NEK4: variants seen among roughly 807,000 people sequenced by gnomAD.
NEK4 encodes serine/threonine-protein kinase Nek4.
Under a neutral mutation model 98.4 loss-of-function variants are expected in NEK4, and 86 were observed. That is an observed-to-expected ratio of 0.87 (90% CI 0.73 to 1.05). The LOEUF is 1.05. NEK4 is among the 50% of genes least tolerant of loss of function. The pLI, the probability that NEK4 is intolerant of heterozygous loss-of-function variation, is 0.00. For synonymous variants in NEK4, 328 were observed against 342.2 expected, an observed-to-expected ratio of 0.96 and a Z score of 0.46; for missense variants, 898 against 950.3, an observed-to-expected ratio of 0.94 and a Z score of 0.72.
chr3:52,739,544 C>T lies in NEK4; in HGVS notation c.2184G>A (p.Pro728=), dbSNP rs757495089. 12 of 1,613,912 alleles carry T rather than the reference C, an allele frequency of 7.4e-6. No individual in the cohort carries two copies. In the South Asian group the frequency reaches 7.7e-5, roughly 10 times the overall value. ...TGAATTCTGACACTGGGTTTGCTAC[C>T]GGGACATCTTCACAGCTCTCTTTAG... ...LDSKESCEDV[P]VANPVSEFKL... is the part of the protein sequence containing the mutation. The change falls in exon 14 of 16, where the codon CCG becomes CCA. Residue 728 remains proline (P), a synonymous_variant. Transcript: ENST00000233027.
At chr3:52,733,964 G>T (rs1026978304) in intron 15 of NEK4, 13 of 221,582 alleles carry the variant, frequency 5.9e-5, no homozygotes, top group Middle Eastern at 1.6e-3. Flanking sequence ...ATGTGGCAAA[G>T]AATTCAGTTT....
Position 52,711,348 on chromosome 3 carries a change from T to C in NEK4, c.*429A>G, listed in dbSNP as rs1474721631. The C allele has an allele frequency of 6.5e-6, 1 of 153,088 alleles. No individual in the cohort carries two copies. Among genetic ancestry groups the C allele is most frequent in the Non-Finnish European group, 1.5e-5 (1 of 68,380 alleles). The allele number at this position is 153,088 out of a possible 1,614,324, so 9.5% of individuals were successfully genotyped here. A position where few individuals can be genotyped will look rare whatever the true frequency, so the allele number is the denominator to read the frequency against. ...TTTATCAACTACTCCTTAAGGTTAT[T>C]AACAATAGCAGGAATTATGACGACA... On this transcript the variant is annotated 3_prime_UTR_variant, in exon 16 of 16. Coordinates refer to ENST00000233027, the MANE Select transcript of NEK4 (RefSeq NM_003157.6).
chr3:52,755,704 G>GA (rs370833408), intron 6 of NEK4, among the ~76,000 whole-genome samples: 45 of 146,894 alleles, frequency 3.1e-4, no homozygotes, highest in South Asian at 2.6e-3. Context: ...ATTAGGCAAG[G>GA]AAAAAAAAAA....
chr3:52,765,859 G>A (rs1180540561), intron 4 of NEK4, 28 bp downstream of exon 4: 2 of 1,342,710 alleles, frequency 1.5e-6, no homozygotes, highest in Non-Finnish European at 2.1e-6. Flanking sequence ...TAGAAATACT[G>A]GTCAATTAGT....
intron 1 of NEK4, among the ~76,000 whole-genome samples, chr3:52,769,386 C>A (rs1698698884): frequency 6.6e-6 from 1 of 152,182 alleles, no homozygotes. Flanking sequence ...CACTGATCTT[C>A]AGCATACAAA....
chr3:52,750,120 A>C (rs745886512), intron 7 of NEK4, among the ~76,000 whole-genome samples: 2 of 152,240 alleles, frequency 1.3e-5, no homozygotes, highest in Non-Finnish European at 2.9e-5. Flanking sequence ...AGAACTGAAA[A>C]TATATGTCCA....
intron 4 of NEK4, among the ~76,000 whole-genome samples, chr3:52,764,488 G>A (rs1352833762): frequency 8.6e-5 from 13 of 151,480 alleles, no homozygotes; most frequent in East Asian, 1.9e-4. Flanking sequence ...AAAAGTGGAC[G>A]GGCGTGGTGG....
chr3:52,751,404 C>T (rs1039824046), intron 7 of NEK4, among the ~76,000 whole-genome samples: 1 of 149,804 alleles, frequency 6.7e-6, no homozygotes, highest in Non-Finnish European at 1.5e-5. Flanking sequence ...TGCAGTGAGC[C>T]GAGATCACGC....
chr3:52,756,150 T>C (rs2097414758), intron 6 of NEK4, among the ~76,000 whole-genome samples: 1 of 152,168 alleles, frequency 6.6e-6, no homozygotes, highest in Admixed American at 6.5e-5. Flanking sequence ...AAAAGCTTAA[T>C]ATTGTCAATA....
At chr3:52,762,342 G>T (rs1698388190) in intron 5 of NEK4, among the ~76,000 whole-genome samples, 1 of 152,084 alleles carries the variant, frequency 6.6e-6, no homozygotes, top group South Asian at 2.1e-4. Context: ...CTAATTATAT[G>T]ATTTCTAAAA....
chr3:52,736,837 T>C (rs2097376777), intron 15 of NEK4, among the ~76,000 whole-genome samples: 1 of 152,174 alleles, frequency 6.6e-6, no homozygotes, highest in South Asian at 2.1e-4. Context: ...ACTACCAATA[T>C]AGAAATTCTT....
intron 4 of NEK4, among the ~76,000 whole-genome samples, 181 bp from the exon 5 acceptor site, chr3:52,763,805 A>G (rs1698446472): frequency 6.6e-6 from 1 of 152,240 alleles, no homozygotes; most frequent in Non-Finnish European, 1.5e-5. Context: ...TTGTAAAATT[A>G]TAAAAGTATA....
At chr3:52,733,412 G>A (rs1269484992) in intron 15 of NEK4, 2 of 381,388 alleles carry the variant, frequency 5.2e-6, no homozygotes, top group South Asian at 2.3e-5. Flanking sequence ...AGGACTTAGC[G>A]CCCATCTTGT....
At chr3:52,762,490 G>C (rs1280173003) in intron 5 of NEK4, among the ~76,000 whole-genome samples, 1 of 152,158 alleles carries the variant, frequency 6.6e-6, no homozygotes, top group Non-Finnish European at 1.5e-5. Flanking sequence ...TCTGAGGAAT[G>C]TGACAGTGGT....
At chr3:52,731,904 C>T (rs1578637617) in intron 15 of NEK4, among the ~76,000 whole-genome samples, 1 of 152,186 alleles carries the variant, frequency 6.6e-6, no homozygotes. Flanking sequence ...TTTTCCCATG[C>T]GGTTCTCATG....
rs2097389716 is a variant in NEK4, at chr3:52,743,230, GAA to G, written c.2004+120_2004+121del. 4.2e-6 allele frequency: 3 copies of G among 710,784 alleles called. No homozygotes were observed. In the East Asian group the frequency reaches 7.5e-5, roughly 18 times the overall value. 44.0% of individuals were successfully genotyped at this position (710,784 alleles called of 1,614,324 possible). A position where few individuals can be genotyped will look rare whatever the true frequency, so the allele number is the denominator to read the frequency against. On this transcript the variant is annotated intron_variant, in intron 12 of 15. Transcript: ENST00000233027. ...ACCAGTTCCTTTCTTTATCAAGAGT[GAA>G]AAGATATAACAAGCTGGCCCTGTCC...
intron 14 of NEK4, among the ~76,000 whole-genome samples, chr3:52,739,102 G>A (rs968232296): frequency 6.6e-6 from 1 of 152,112 alleles, no homozygotes; most frequent in Non-Finnish European, 1.5e-5. Flanking sequence ...CCAGTTTGCT[G>A]TAAAAGAATA....
chr3:52,760,191 C>G (rs566728261), intron 6 of NEK4, among the ~76,000 whole-genome samples: 11 of 152,118 alleles, frequency 7.2e-5, no homozygotes, highest in Non-Finnish European at 1.6e-4. Flanking sequence ...TAATTGATCA[C>G]TTTATTTATT....
At chr3:52,726,025 AT>A (rs1235581208) in intron 15 of NEK4, among the ~76,000 whole-genome samples, 2 of 152,172 alleles carry the variant, frequency 1.3e-5, no homozygotes, top group Non-Finnish European at 2.9e-5. Context: ...TTTGAAAAAA[AT>A]ATTCCACATA....
Sources: allele counts gnomAD v4.1 joint callset (sites outside exome capture counted in the v4.1 genomes callset), GRCh38; gene constraint gnomAD v4.1.1; transcripts MANE v1.5; gene names NCBI Gene and HGNC (gene_info 2026-07-23, HGNC 2026-07-21).